Variants in IDH3G observed in about 807,000 individuals in gnomAD.
IDH3G encodes isocitrate dehydrogenase [NAD] subunit gamma, mitochondrial.
Under a neutral mutation model 26.9 loss-of-function variants are expected in IDH3G, and 9 were observed. The observed-to-expected ratio is 0.34, with a 90% CI of 0.20 to 0.58. IDH3G has a LOEUF of 0.58. Among genes scored for constraint, IDH3G ranks in the 20% least tolerant of loss-of-function variants. IDH3G has a pLI of 0.85. For synonymous variants in IDH3G, 181 were observed against 160.0 expected, an observed-to-expected ratio of 1.13 and a Z score of -0.99; for missense variants, 250 against 372.8, an observed-to-expected ratio of 0.67 and a Z score of 2.71.
In IDH3G at chrX:153,790,254, GGTCACC is replaced by G; in HGVS notation, c.168_173del (p.Val57_Thr58del). On this transcript the variant is annotated inframe_deletion, in exon 4 of 13. Transcript: ENST00000217901. ...GCCCGATGCCATCCCCTGGGATCAT[GGTCACC>G]GTGTGCCGCCCGCCATACTTAGCGG... 8.3e-7 allele frequency: 1 copy of G among 1,211,420 alleles called. No homozygotes were observed. The highest frequency in any genetic ancestry group is 1.7e-5 in the African/African-American group (1 of 57,991).
intron 10 of IDH3G, 116 bp downstream of exon 10, chrX:153,786,685 C>A (rs2092089553): frequency 6.5e-6 from 6 of 917,436 alleles, no homozygotes; most frequent in Non-Finnish European, 9.2e-6. Context: ...CCTGGATATC[C>A]AAAAAACTAC....
At chrX:153,786,307 G>A in intron 11 of IDH3G, 35 bp from the exon 12 acceptor site, 2 of 1,201,828 alleles carry the variant, frequency 1.7e-6, no homozygotes, top group Non-Finnish European at 2.3e-6. Flanking sequence ...CAGTCCCTGG[G>A]GCCCGGAGGG....
intron 1 of IDH3G, chrX:153,793,659 A>G (rs1226350040): frequency 8.9e-6 from 1 of 111,952 alleles, no homozygotes; most frequent in Non-Finnish European, 1.9e-5. Flanking sequence ...AGTGTAAGGA[A>G]AGAAGACTCG....
intron 5 of IDH3G, among the ~76,000 whole-genome samples, chrX:153,789,372 ACT>A (rs1295035665): frequency 9.0e-6 from 1 of 111,573 alleles, no homozygotes; most frequent in Non-Finnish European, 1.9e-5. Flanking sequence ...GGTGAAACCC[ACT>A]CTCTACTGAA....
intron 1 of IDH3G, chrX:153,792,285 G>A: frequency 8.9e-6 from 1 of 112,370 alleles, no homozygotes; most frequent in Admixed American, 9.4e-5. Flanking sequence ...TTTCCTGAGT[G>A]AACAAGCACA....
chrX:153,790,082 C>T (rs1569542740), intron 4 of IDH3G, 113 bp downstream of exon 4: 2 of 622,259 alleles, frequency 3.2e-6, no homozygotes, highest in East Asian at 3.3e-5. Flanking sequence ...CCTGGGCTTA[C>T]AGGTCGTCTT....
At position 153,794,361 on chromosome X, in the gene IDH3G, G is replaced by T; in HGVS notation, c.-35C>A. On this transcript the variant is annotated 5_prime_UTR_variant, in exon 1 of 13. Coordinates refer to ENST00000217901, the MANE Select transcript of IDH3G (RefSeq NM_004135.4). ...TGAGAGCCTCCGCACGTCCCGACAC[G>T]CAGATACCGCTCTCGCGAGAGTTCG... The T allele has an allele frequency of 8.5e-7, 1 of 1,175,423 alleles. No homozygotes were observed. Among genetic ancestry groups the T allele is most frequent in the Non-Finnish European group, 1.1e-6 (1 of 876,248 alleles).
chrX:153,789,489 A>G (rs2092101154), intron 5 of IDH3G, among the ~76,000 whole-genome samples: 1 of 112,482 alleles, frequency 8.9e-6, no homozygotes, highest in Non-Finnish European at 1.9e-5. Flanking sequence ...GGTTGCACTG[A>G]GCCGAGATCA....
chrX:153,790,845 C>T lies in IDH3G; in HGVS notation c.88G>A (p.Gly30Ser), dbSNP rs2092107059. 8.3e-7 allele frequency: 1 copy of T among 1,206,143 alleles called. No individual in the cohort carries two copies. The highest frequency in any genetic ancestry group is 1.8e-5 in the African/African-American group (1 of 55,688). Residue 30 changes from glycine (G) to serine (S), a missense_variant, in exon 2 of 13, where the codon GGC (glycine) becomes AGC (serine). By Grantham distance (56) the Gly-to-Ser change is moderately conservative. This residue lies in a region of IDH3G where 49 missense variants were observed against 41.5 expected (regional missense o/e 1.18). Transcript: ENST00000217901. ...ALLCRPWEVL[G>S]AHEVPSRNIF... ...TTCCTCGAGGGGACCTCGTGGGCGC[C>T]TAGAACCTGGCAGAGACCAAATGCC...
At position 153,790,632 on chromosome X, in the gene IDH3G, C is replaced by T. The variant is rs2092105935; in HGVS notation, c.124-57G>A. 2.4e-5 allele frequency: 28 copies of T among 1,160,992 alleles called. No homozygotes were observed. In the South Asian group the frequency reaches 4.3e-4, roughly 18 times the overall value. ...TCAGCCAAGGTTCCAAGAGCAAGGC[C>T]GTGACCAGGAAAGTGGGACCTTTTC... On this transcript the variant is annotated intron_variant, in intron 2 of 12. Transcript: ENST00000217901.
Position 153,794,328 on chromosome X carries a change from A to T in IDH3G, c.-2T>A, listed in dbSNP as rs781804840. On this transcript the variant is annotated 5_prime_UTR_variant, in exon 1 of 13. Coordinates refer to ENST00000217901, the MANE Select transcript of IDH3G (RefSeq NM_004135.4). Reference sequence around the variant, plus strand: ...GACGGTCGCTACCTTCAGCGCCATGACGGAAAGTGAGAGCCTCCGCACGTC... The same window carrying T: ...GACGGTCGCTACCTTCAGCGCCATGTCGGAAAGTGAGAGCCTCCGCACGTC... The T allele has an allele frequency of 8.4e-7, 1 of 1,193,055 alleles. No individual in the cohort carries two copies. Among genetic ancestry groups the T allele is most frequent in the South Asian group, 1.8e-5 (1 of 55,638 alleles).
intron 8 of IDH3G, 98 bp from the exon 9 acceptor site, chrX:153,787,251 T>C: frequency 1.3e-6 from 1 of 771,763 alleles, no homozygotes; most frequent in Middle Eastern, 4.2e-4. Context: ...GGGGTCTGAA[T>C]TCTAACCTGT....
At chrX:153,789,855 C>T in intron 4 of IDH3G, 31 bp from the exon 5 acceptor site, 1 of 977,302 alleles carries the variant, frequency 1.0e-6, no homozygotes, top group Non-Finnish European at 1.4e-6. Context: ...GGAGGCTGGC[C>T]CAGACCCCCC....
chrX:153,786,673 A>G, intron 10 of IDH3G, 128 bp downstream of exon 10: 1 of 824,941 alleles, frequency 1.2e-6, no homozygotes, highest in South Asian at 2.4e-5. Flanking sequence ...CGGCAGTACA[A>G]CCCTGGATAT....
intron 7 of IDH3G, 75 bp downstream of exon 7, chrX:153,787,748 A>C (rs782743324): frequency 8.7e-7 from 1 of 1,148,059 alleles, no homozygotes; most frequent in African/African-American, 1.8e-5. Context: ...CTAAGGGTAC[A>C]CCTGTCCCTG....
intron 4 of IDH3G, 39 bp from the exon 5 acceptor site, chrX:153,789,863 C>G (rs199892346): frequency 1.1e-6 from 1 of 899,347 alleles, no homozygotes; most frequent in East Asian, 3.2e-5. Context: ...GCCCAGACCC[C>G]CCCGCACCTC....
chrX:153,791,191 T>C (rs1388887518), intron 1 of IDH3G: 9 of 264,766 alleles, frequency 3.4e-5, no homozygotes, highest in African/African-American at 2.2e-4. Context: ...ATGCAAAAAC[T>C]GGCAAACTAA....
Position 153,786,262 on chromosome X carries a change from A to AGGAGTG in IDH3G, c.1024_1029dup (p.His342_Ser343dup). The AGGAGTG allele has an allele frequency of 8.3e-7, 1 of 1,205,980 alleles. No individual in the cohort carries two copies. Among genetic ancestry groups the AGGAGTG allele is most frequent in the African/African-American group, 1.7e-5 (1 of 57,842 alleles). ...ACAGCCTTACGGATGGAGGTGGCAT[A>AGGAGTG]GGAGTGCAGCCTAGAGGATGGGACA... On this transcript the variant is annotated inframe_insertion, in exon 12 of 13. Transcript: ENST00000217901.
At chrX:153,790,976 C>T (rs2092107643) in intron 1 of IDH3G, 125 bp from the exon 2 acceptor site, 2 of 571,125 alleles carry the variant, frequency 3.5e-6, no homozygotes, top group Non-Finnish European at 5.9e-6. Context: ...GGCCCACTGC[C>T]AGGGGCACAA....
Sources: allele counts gnomAD v4.1 joint callset (sites outside exome capture counted in the v4.1 genomes callset), GRCh38; gene constraint gnomAD v4.1.1; regional missense constraint gnomAD v4.1.1; transcripts MANE v1.5; gene names NCBI Gene and HGNC (gene_info 2026-07-23, HGNC 2026-07-21).